Variants in PTPRD observed in about 807,000 individuals in gnomAD.
The protein encoded by PTPRD is protein tyrosine phosphatase receptor type D, also known as receptor-type tyrosine-protein phosphatase delta.
PTPRD carries 34 observed loss-of-function variants against 214.5 expected under a neutral mutation model. That is an observed-to-expected ratio of 0.16 (90% confidence interval 0.12 to 0.21). The LOEUF is 0.21. Among genes scored for constraint, PTPRD ranks in the 10% least tolerant of loss-of-function variants. PTPRD has a pLI of 1.00. For synonymous variants in PTPRD, 1,128 were observed against 845.7 expected, an observed-to-expected ratio of 1.33 and a Z score of -5.79; for missense variants, 2,545 against 2,398.7, an observed-to-expected ratio of 1.06 and a Z score of -1.27.
chr9:10,587,445 A>G (rs1444799910), intron 2 of PTPRD, among the ~76,000 whole-genome samples: 1 of 152,124 alleles, frequency 6.6e-6, no homozygotes, highest in East Asian at 1.9e-4. Context: ...AATCCATATC[A>G]TAAGAGTGAA....
At chr9:9,558,424 G>A (rs1185742819) in intron 8 of PTPRD, among the ~76,000 whole-genome samples, 6 of 152,142 alleles carry the variant, frequency 3.9e-5, no homozygotes, top group Non-Finnish European at 7.4e-5. Context: ...CTTTGGCCGA[G>A]GGAGACATAG....
At chr9:9,607,180 G>A (rs559221763) in intron 7 of PTPRD, among the ~76,000 whole-genome samples, 1 of 151,910 alleles carries the variant, frequency 6.6e-6, no homozygotes, top group Non-Finnish European at 1.5e-5. Context: ...AGGATTAGAA[G>A]AGTAGCAACA....
rs183340159 is a variant in PTPRD at position 9,723,228 on chromosome 9, A to G, written c.-287+11305T>C. On this transcript the variant is annotated intron_variant, in intron 7 of 45. Coordinates refer to ENST00000381196, the MANE Select transcript of PTPRD (RefSeq NM_002839.4). Reference sequence around the variant, plus strand: ...TAGGGATCTGACTTCATTCTTTTACATAAGACTATCCAGTTGTCTCAGCAC... The same window carrying G: ...TAGGGATCTGACTTCATTCTTTTACGTAAGACTATCCAGTTGTCTCAGCAC... 9.2e-5 allele frequency among the ~76,000 whole-genome samples: 14 copies of G among 152,152 alleles called. No homozygotes were observed. The East Asian group carries it at 2.5e-3, about 27-fold the overall frequency.
chr9:8,518,652 T>A (rs1049310102), intron 20 of PTPRD, among the ~76,000 whole-genome samples: 4 of 152,254 alleles, frequency 2.6e-5, no homozygotes. Flanking sequence ...AGCATATTTT[T>A]AGGCTTGTAT....
At chr9:10,316,970 CAAAA>C (rs2096451789) in intron 3 of PTPRD, among the ~76,000 whole-genome samples, 1 of 151,756 alleles carries the variant, frequency 6.6e-6, no homozygotes, top group Non-Finnish European at 1.5e-5. Context: ...AAATTAAAAA[CAAAA>C]CAAAAAACAA....
chr9:8,762,440 T>G (rs931583693), intron 11 of PTPRD, among the ~76,000 whole-genome samples: 5 of 152,116 alleles, frequency 3.3e-5, no homozygotes, highest in Non-Finnish European at 2.9e-5. Flanking sequence ...CAAATAATAA[T>G]AAATAATGAG....
chr9:9,788,186 A>C (rs1019480274), intron 5 of PTPRD, among the ~76,000 whole-genome samples: 12 of 152,142 alleles, frequency 7.9e-5, no homozygotes, highest in Admixed American at 5.9e-4. Flanking sequence ...TTTTATACAC[A>C]TATGAATGTA....
chr9:9,201,138 G>T (rs2099941603), intron 9 of PTPRD, among the ~76,000 whole-genome samples: 1 of 152,050 alleles, frequency 6.6e-6, no homozygotes, highest in South Asian at 2.1e-4. Context: ...CTTCAGAAAA[G>T]CTTTTTTCTT....
intron 8 of PTPRD, among the ~76,000 whole-genome samples, chr9:9,547,858 T>C (rs1028763193): frequency 5.6e-5 from 8 of 143,792 alleles, no homozygotes; most frequent in Admixed American, 4.1e-4. Context: ...AATAAGCAAA[T>C]TGCTAAAAAT....
chr9:10,610,662 G>A (rs1032421334), intron 2 of PTPRD, among the ~76,000 whole-genome samples: 10 of 151,934 alleles, frequency 6.6e-5, no homozygotes, highest in African/African-American at 2.2e-4. Flanking sequence ...TGTTAGCTAA[G>A]AGCAGTAATA....
At chr9:9,236,398 T>G (rs564292156) in intron 9 of PTPRD, among the ~76,000 whole-genome samples, 9 of 152,178 alleles carry the variant, frequency 5.9e-5, no homozygotes, top group African/African-American at 2.2e-4. Flanking sequence ...AGATACTCCT[T>G]TAATAAGATT....
intron 4 of PTPRD, among the ~76,000 whole-genome samples, chr9:9,958,402 G>A (rs953967106): frequency 3.9e-5 from 6 of 151,998 alleles, no homozygotes; most frequent in African/African-American, 1.2e-4. Flanking sequence ...GTGGTGGCAC[G>A]CACCTGTAAT....
At chr9:9,737,141 T>C (rs2154446855) in intron 6 of PTPRD, among the ~76,000 whole-genome samples, 1 of 152,228 alleles carries the variant, frequency 6.6e-6, no homozygotes, top group South Asian at 2.1e-4. Flanking sequence ...GCAAAATTTA[T>C]TGAAAATATG....
In PTPRD at chr9:9,366,882, CT is replaced by C. The variant is rs897633788; in HGVS notation, c.-203+30566del. On this transcript the variant is annotated intron_variant, in intron 9 of 45. Transcript: ENST00000381196. Reference sequence around the variant, plus strand: ...TGATCTTTGGGTAAAGAGATACTGACTTTTTTTTTCTACTTTTGTGTATTTC... The same window carrying C: ...TGATCTTTGGGTAAAGAGATACTGACTTTTTTTTCTACTTTTGTGTATTTC... Among the ~76,000 whole-genome samples, 56 of 150,408 alleles carry C rather than the reference CT, an allele frequency of 3.7e-4. 1 individual carries two copies. Among genetic ancestry groups the C allele is most frequent in the Non-Finnish European group, 6.8e-4 (46 of 67,286 alleles).
chr9:8,327,465 T>A (rs1160157858), intron 44 of PTPRD, among the ~76,000 whole-genome samples: 1 of 152,142 alleles, frequency 6.6e-6, no homozygotes, highest in Non-Finnish European at 1.5e-5. Flanking sequence ...ATGTGGTCAA[T>A]GTTAGAATAA....
At position 10,569,283 on chromosome 9, in the gene PTPRD, T is replaced by C. The variant is rs114666760; in HGVS notation, c.-600+43115A>G. Among the ~76,000 whole-genome samples the C allele has an allele frequency of 3.4e-3, 511 of 152,164 alleles. 3 individuals carry two copies. The highest frequency in any genetic ancestry group is 0.012 in the African/African-American group (483 of 41,546). On this transcript the variant is annotated intron_variant, in intron 2 of 45. Transcript: ENST00000381196. ...AAGTCAGGTAACAACAGGTGCATTA[T>C]TGTTTAGAGTAAGACTTTACTCTTA...
intron 10 of PTPRD, among the ~76,000 whole-genome samples, chr9:9,053,683 CA>C (rs1247704333): frequency 6.6e-6 from 1 of 152,012 alleles, no homozygotes; most frequent in Non-Finnish European, 1.5e-5. Flanking sequence ...GTACTTTTTA[CA>C]ATAGCTCTAG....
At chr9:10,431,385 C>T (rs1200194940) in intron 2 of PTPRD, among the ~76,000 whole-genome samples, 1 of 152,058 alleles carries the variant, frequency 6.6e-6, no homozygotes, top group African/African-American at 2.4e-5. Context: ...GCAAGGACTT[C>T]ATGTCTAAAA....
At chr9:9,494,079 G>C (rs2096058013) in intron 8 of PTPRD, among the ~76,000 whole-genome samples, 1 of 152,098 alleles carries the variant, frequency 6.6e-6, no homozygotes. Flanking sequence ...GGTAGAAATA[G>C]CAAGAGAAAT....
Sources: gnomAD v4.1 joint callset for allele counts (sites outside exome capture counted in the v4.1 genomes callset) on GRCh38, gnomAD v4.1.1 for gene constraint, MANE v1.5 for transcripts, NCBI Gene and HGNC (gene_info 2026-07-23, HGNC 2026-07-21) for gene names.